The following ZNF704 variants were observed in gnomAD, a reference collection of about 807,000 sequenced individuals.
The protein encoded by ZNF704 is glucocorticoid induced gene 1.
In ZNF704, 10 loss-of-function variants were observed where a neutral mutation model predicts 44.7. That is an observed-to-expected ratio of 0.22 (90% CI 0.14 to 0.38). The LOEUF is 0.38. Among genes scored for constraint, ZNF704 ranks in the 10% least tolerant of loss-of-function variants. The probability of loss-of-function intolerance (pLI) is 1.00; values close to 1 mark genes in which losing one functional copy is unlikely to be tolerated. For synonymous variants in ZNF704, 211 were observed against 207.6 expected (o/e 1.02, Z -0.14); for missense variants, 390 against 545.5 (o/e 0.71, Z 2.84).
intron 8 of ZNF704, 151 bp downstream of exon 8, chr8:80,642,884 G>A: frequency 2.2e-6 from 1 of 457,692 alleles, no homozygotes; most frequent in Non-Finnish European, 3.8e-6. Context: ...ATAGGTAATG[G>A]ATGGTAAAAA....
intron 1 of ZNF704, among the ~76,000 whole-genome samples, chr8:80,834,981 T>C (rs969065779): frequency 6.6e-6 from 1 of 152,198 alleles, no homozygotes; most frequent in South Asian, 2.1e-4. Context: ...GTAAATAGTG[T>C]ACTACAGCAA....
Position 80,738,572 on chromosome 8 carries a change from C to CTT in ZNF704, c.222-45467_222-45466dup, listed in dbSNP as rs60033942. Reference sequence around the variant, plus strand: ...CATGAGGTTGGTTTGACTCCAGAGTCTTTTTTTTTTTCTTTACTGAACCTT... The same window carrying CTT: ...CATGAGGTTGGTTTGACTCCAGAGTCTTTTTTTTTTTTTCTTTACTGAACCTT... On this transcript the variant is annotated intron_variant, in intron 2 of 8. Coordinates refer to ENST00000327835, the MANE Select transcript of ZNF704 (RefSeq NM_001033723.3). Among the ~76,000 whole-genome samples the CTT allele has an allele frequency of 1.5e-3, 217 of 147,364 alleles. 1 individual carries two copies. The highest frequency in any genetic ancestry group is 4.7e-3 in the African/African-American group (189 of 40,612).
Position 80,764,470 on chromosome 8 carries a change from A to G in ZNF704, c.221+56904T>C, listed in dbSNP as rs140472804. On this transcript the variant is annotated intron_variant, in intron 2 of 8. Coordinates refer to ENST00000327835, the MANE Select transcript of ZNF704 (RefSeq NM_001033723.3). ...AAGAATACATGGGGGAAACTGCCCC[A>G]TCATCCAATCACGTCCCTCCCTCGA... Among the ~76,000 whole-genome samples the G allele has an allele frequency of 7.3e-4, 111 of 152,292 alleles. 3 individuals are homozygous for G. In the East Asian group the frequency reaches 0.021, roughly 28 times the overall value.
chr8:80,670,114 T>G (rs956174990), intron 5 of ZNF704, among the ~76,000 whole-genome samples: 1 of 152,208 alleles, frequency 6.6e-6, no homozygotes, highest in Non-Finnish European at 1.5e-5. Context: ...CAAGGACCCC[T>G]TGAAGTCCAA....
At chr8:80,732,863 G>A (rs1806604476) in intron 2 of ZNF704, among the ~76,000 whole-genome samples, 1 of 150,940 alleles carries the variant, frequency 6.6e-6, no homozygotes. Context: ...GGCTGAGGCA[G>A]GAGTTACTTG....
intron 1 of ZNF704, among the ~76,000 whole-genome samples, chr8:80,869,401 C>G (rs1809211344): frequency 6.6e-6 from 1 of 152,216 alleles, no homozygotes; most frequent in Non-Finnish European, 1.5e-5. Context: ...TCACCCTCAG[C>G]TGATGACCTT....
chr8:80,774,088 C>A (rs957571527), intron 2 of ZNF704, among the ~76,000 whole-genome samples: 1 of 150,480 alleles, frequency 6.6e-6, no homozygotes, highest in Non-Finnish European at 1.5e-5. Context: ...CACTCTGTTG[C>A]GCCGACTGCC....
intron 7 of ZNF704, among the ~76,000 whole-genome samples, chr8:80,657,199 G>A (rs1818029570): frequency 1.3e-5 from 2 of 152,104 alleles, no homozygotes; most frequent in African/African-American, 4.8e-5. Context: ...TGGCCAGAGA[G>A]TTTAGCAACA....
intron 1 of ZNF704, among the ~76,000 whole-genome samples, chr8:80,838,463 T>C (rs1808618274): frequency 6.6e-6 from 1 of 152,116 alleles, no homozygotes; most frequent in Admixed American, 6.5e-5. Context: ...TTAGTGGTGC[T>C]GGCTGGTGGT....
At chr8:80,662,973 A>G (rs1290597715) in intron 6 of ZNF704, among the ~76,000 whole-genome samples, 1 of 152,250 alleles carries the variant, frequency 6.6e-6, no homozygotes, top group Non-Finnish European at 1.5e-5. Context: ...GAACATAATT[A>G]CAAGTATGTA....
intron 2 of ZNF704, among the ~76,000 whole-genome samples, chr8:80,763,502 G>A (rs1807167155): frequency 6.6e-6 from 1 of 152,206 alleles, no homozygotes; most frequent in Non-Finnish European, 1.5e-5. Flanking sequence ...CATAACTAGA[G>A]CAACTGGGAC....
intron 1 of ZNF704, among the ~76,000 whole-genome samples, chr8:80,872,757 G>A (rs1809274477): frequency 6.6e-6 from 1 of 152,078 alleles, no homozygotes; most frequent in Non-Finnish European, 1.5e-5. Context: ...AAAATCTCTC[G>A]GCGCTTCAGT....
chr8:80,738,178 A>T (rs188030141), intron 2 of ZNF704, among the ~76,000 whole-genome samples: 1 of 152,254 alleles, frequency 6.6e-6, no homozygotes, highest in East Asian at 1.9e-4. Context: ...ATTCTCTCTG[A>T]TCATGTTAAC....
intron 1 of ZNF704, among the ~76,000 whole-genome samples, chr8:80,827,045 AT>A (rs1808390150): frequency 6.6e-6 from 1 of 152,204 alleles, no homozygotes; most frequent in Admixed American, 6.5e-5. Flanking sequence ...CTCCACTCCT[AT>A]TCAACACAGT....
At position 80,632,166 on chromosome 8, in the gene ZNF704, TTC is replaced by T. The variant is rs1341154255; in HGVS notation, c.*9198_*9199del. On this transcript the variant is annotated 3_prime_UTR_variant, in exon 9 of 9. Coordinates refer to ENST00000327835, the MANE Select transcript of ZNF704 (RefSeq NM_001033723.3). ...GAAATAGATGAGCACCTTTGTTTTT[TTC>T]TGTTTAAAGGAAATTTCCTTCCTTA... 1 of 152,174 alleles carries T rather than the reference TTC, an allele frequency of 6.6e-6. No homozygotes were observed. The highest frequency in any genetic ancestry group is 1.5e-5 in the Non-Finnish European group (1 of 68,024). The allele number at this position is 152,174 out of a possible 1,614,324, so 9.4% of individuals were successfully genotyped here.
intron 1 of ZNF704, among the ~76,000 whole-genome samples, chr8:80,826,957 C>G (rs1364275173): frequency 6.6e-6 from 1 of 152,168 alleles, no homozygotes; most frequent in Non-Finnish European, 1.5e-5. Context: ...GACAAACCCA[C>G]AGCGAATATC....
At chr8:80,645,176 C>T (rs1019146941) in intron 7 of ZNF704, 34 of 1,588,534 alleles carry the variant, frequency 2.1e-5, no homozygotes, top group Middle Eastern at 2.3e-4. Flanking sequence ...GCGACATGAT[C>T]GCTCGGTTTG....
At chr8:80,689,509 T>C (rs538150238) in intron 3 of ZNF704, among the ~76,000 whole-genome samples, 6 of 152,288 alleles carry the variant, frequency 3.9e-5, no homozygotes, top group African/African-American at 1.4e-4. Flanking sequence ...ATAAGAAAGC[T>C]CCATTTAGTA....
intron 8 of ZNF704, among the ~76,000 whole-genome samples, chr8:80,641,875 C>T (rs1817750492): frequency 6.6e-6 from 1 of 152,170 alleles, no homozygotes; most frequent in Admixed American, 6.5e-5. Flanking sequence ...CTAATATGTG[C>T]TGGTTGTTTT....
Sources: gnomAD v4.1 joint callset for allele counts (sites outside exome capture counted in the v4.1 genomes callset) on GRCh38, gnomAD v4.1.1 for gene constraint, MANE v1.5 for transcripts, NCBI Gene and HGNC (gene_info 2026-07-23, HGNC 2026-07-21) for gene names.